Variants in SLITRK2 observed in about 807,000 individuals in gnomAD.
SLITRK2 encodes SLIT and NTRK like family member 2, also known as SLIT and NTRK-like protein 2.
In SLITRK2, 13 loss-of-function variants were observed where a neutral mutation model predicts 35.4. The observed-to-expected ratio is 0.37, with a 90% CI of 0.24 to 0.58. The LOEUF (loss-of-function observed/expected upper bound fraction) is 0.58, where lower values mean the gene tolerates loss of function less well. SLITRK2 is among the 20% of genes least tolerant of loss of function. The pLI is 0.75. For synonymous variants in SLITRK2, 294 were observed against 264.7 expected (o/e 1.11, Z -1.07); for missense variants, 471 against 634.3 (o/e 0.74, Z 2.76).
chrX:145,822,107 C>G lies in SLITRK2; in HGVS notation c.-90C>G. 1 of 258,192 alleles carries G rather than the reference C, an allele frequency of 3.9e-6. No homozygotes were observed. The highest frequency in any genetic ancestry group is 1.1e-3 in the Middle Eastern group (1 of 879). The allele number at this position is 258,192 out of a possible 1,213,427, so 21.3% of individuals were successfully genotyped here. A position where few individuals can be genotyped will look rare whatever the true frequency, so the allele number is the denominator to read the frequency against. The stretch of plus-strand genomic sequence containing the variant: ...ATGGGCAGGATTTAGTAGGACAACT[C>G]GGTTACTAATGACTTGGCGGCTGGC... On this transcript the variant is annotated 5_prime_UTR_variant, in exon 4 of 5. Transcript: ENST00000335565.
Position 145,822,666 on chromosome X carries a change from G to A in SLITRK2, c.241G>A (p.Glu81Lys). 1.7e-6 allele frequency: 2 copies of A among 1,211,601 alleles called. No homozygotes were observed. Among genetic ancestry groups the A allele is most frequent in the Non-Finnish European group, 1.1e-6 (1 of 895,493 alleles). Residue 81 changes from glutamate (E) to lysine (K), a missense_variant, in exon 5 of 5, where the codon GAA becomes AAA. By Grantham distance (56) the Glu-to-Lys change is moderately conservative. Around this residue, in one of 7 missense-constraint regions of SLITRK2, gnomAD observed 98 missense variants for 120.6 expected, o/e 0.81. Transcript: ENST00000335565. ...GNLLTRLYPNEFVNYSNAVTL... is the reference protein window; with the variant it reads ...GNLLTRLYPNKFVNYSNAVTL... ...CCTCTTGACAAGACTGTATCCAAAC[G>A]AATTTGTCAATTACTCCAACGCGGT...
chrX:145,821,187 A>G (rs1486228308), intron 2 of SLITRK2, 161 bp from the exon 3 acceptor site: 3 of 101,856 alleles, frequency 2.9e-5, no homozygotes, highest in African/African-American at 1.1e-4. Flanking sequence ...TGGGAGAAGA[A>G]CCCCCCACCC....
Position 145,822,941 on chromosome X carries a change from A to G in SLITRK2, c.516A>G (p.Ser172=). Residue 172 remains serine, a synonymous_variant, in exon 5 of 5, where the codon TCA becomes TCG. Transcript: ENST00000335565. ...TCCTGAATGACAACCTTCTGCTTTC[A>G]CTGCCCAGCAATGTGTTCCGCTTTG... ...VLILNDNLLL[S]LPSNVFRFVL... 1 of 1,211,436 alleles carries G rather than the reference A, an allele frequency of 8.3e-7. No individual in the cohort carries two copies. The highest frequency in any genetic ancestry group is 1.1e-6 in the Non-Finnish European group (1 of 895,455).
chrX:145,827,643 T>G lies in SLITRK2; in HGVS notation c.*2680T>G. ...TCCTCTTGCTTGTTACAGTTATACT[T>G]AATTTGCAGTAGATTTTTAAATGAA... On this transcript the variant is annotated 3_prime_UTR_variant, in exon 5 of 5. Coordinates refer to ENST00000335565, the MANE Select transcript of SLITRK2 (RefSeq NM_032539.5). 1 of 1,010,984 alleles carries G rather than the reference T, an allele frequency of 9.9e-7. No homozygotes were observed. The highest frequency in any genetic ancestry group is 1.3e-6 in the Non-Finnish European group (1 of 757,234). The allele number at this position is 1,010,984 out of a possible 1,213,427, so 83.3% of individuals were successfully genotyped here. A position where few individuals can be genotyped will look rare whatever the true frequency, so the allele number is the denominator to read the frequency against.
chrX:145,824,602 A>G lies in SLITRK2; in HGVS notation c.2177A>G (p.Lys726Arg), dbSNP rs1556945058. ...TTCAGCTATAGCAACCTGGAGGAGA[A>G]AAAAGAAGAGCCAGCCACACCTGCT... ...QEFSYSNLEE[K>R]KEEPATPAYT... The change falls in exon 5 of 5, where the codon AAA becomes AGA. Residue 726 changes from lysine to arginine, a missense_variant. Lys to Arg is a conservative substitution (Grantham distance 26). Transcript: ENST00000335565. 1 of 1,211,027 alleles carries G rather than the reference A, an allele frequency of 8.3e-7. No homozygotes were observed.
chrX:145,822,798 T>C lies in SLITRK2; in HGVS notation c.373T>C (p.Leu125=). Reference sequence around the variant, plus strand: ...TCTCAACAACAACAAGCTTGAGATATTGAGGGAGGACACCTTCCTAGGCCT... The same window carrying C: ...TCTCAACAACAACAAGCTTGAGATACTGAGGGAGGACACCTTCCTAGGCCT... ...LHLNNNKLEI[L]REDTFLGLES... Residue 125 remains leucine (L), a synonymous_variant, in exon 5 of 5, where the codon TTG becomes CTG. Transcript: ENST00000335565. 2.5e-6 allele frequency: 3 copies of C among 1,210,797 alleles called. No homozygotes were observed. In the Middle Eastern group the frequency reaches 6.9e-4, roughly 278 times the overall value.
rs782724493 is a variant in SLITRK2, at chrX:145,824,864, G to T, written c.2439G>T (p.Gly813=). 23 of 1,209,693 alleles carry T rather than the reference G, an allele frequency of 1.9e-5. No individual in the cohort carries two copies. The highest frequency in any genetic ancestry group is 1.1e-6 in the Non-Finnish European group (1 of 895,241). The change falls in exon 5 of 5, where the codon GGG becomes GGT. Residue 813 remains glycine (G), a synonymous_variant. Coordinates refer to ENST00000335565, the MANE Select transcript of SLITRK2 (RefSeq NM_032539.5). Reference sequence around the variant, plus strand: ...GAACTCCCAGGAAATGCTTTGTGGGGCAGTCAAAACCCAACCACCCTTTAC... The same window carrying T: ...GAACTCCCAGGAAATGCTTTGTGGGTCAGTCAAAACCCAACCACCCTTTAC... ...LYGTPRKCFV[G]QSKPNHPLLQ...
In SLITRK2 at chrX:145,821,651, AC is replaced by A. The variant is rs1556943356; in HGVS notation, c.-422del. 1 of 110,130 alleles carries A rather than the reference AC, an allele frequency of 9.1e-6. No homozygotes were observed. The highest frequency in any genetic ancestry group is 3.3e-5 in the African/African-American group (1 of 30,171). The allele number at this position is 110,130 out of a possible 1,213,427, so 9.1% of individuals were successfully genotyped here. A position where few individuals can be genotyped will look rare whatever the true frequency, so the allele number is the denominator to read the frequency against. ...CTCTCCGACCTCCCTACAGAATCGC[AC>A]CCCAGTCCCTCCCTGGCAGCTCGGC... On this transcript the variant is annotated 5_prime_UTR_variant, in exon 3 of 5. Transcript: ENST00000335565.
At chrX:145,820,229 C>G (rs375860450) in intron 1 of SLITRK2, 1 of 112,245 alleles carries the variant, frequency 8.9e-6, no homozygotes, top group Non-Finnish European at 1.9e-5. Flanking sequence ...CCCATCTCCC[C>G]CTTCCTACCA....
Position 145,827,486 on chromosome X carries a change from A to C in SLITRK2, c.*2523A>C. On this transcript the variant is annotated 3_prime_UTR_variant, in exon 5 of 5. Coordinates refer to ENST00000335565, the MANE Select transcript of SLITRK2 (RefSeq NM_032539.5). Reference sequence around the variant, plus strand: ...TGTAAAATGCCATTGTCCATAGAAAAAATATTAACTCATTAAGTTTAAAGA... The same window carrying C: ...TGTAAAATGCCATTGTCCATAGAAACAATATTAACTCATTAAGTTTAAAGA... 1 of 341,995 alleles carries C rather than the reference A, an allele frequency of 2.9e-6. No individual in the cohort carries two copies. Among genetic ancestry groups the C allele is most frequent in the Non-Finnish European group, 4.8e-6 (1 of 206,663 alleles). The allele number at this position is 341,995 out of a possible 1,213,427, so 28.2% of individuals were successfully genotyped here.
Position 145,827,536 on chromosome X carries a change from A to T in SLITRK2, c.*2573A>T. On this transcript the variant is annotated 3_prime_UTR_variant, in exon 5 of 5. Coordinates refer to ENST00000335565, the MANE Select transcript of SLITRK2 (RefSeq NM_032539.5). ...ACAGATGATACCTTAATATTAACTT[A>T]CTTACACGATTTTAAAGACGCCTAC... The T allele has an allele frequency of 2.0e-6, 1 of 507,191 alleles. No individual in the cohort carries two copies. The highest frequency in any genetic ancestry group is 3.0e-6 in the Non-Finnish European group (1 of 329,854). 41.8% of individuals were successfully genotyped at this position (507,191 alleles called of 1,213,427 possible). A position where few individuals can be genotyped will look rare whatever the true frequency, so the allele number is the denominator to read the frequency against.
At position 145,828,164 on chromosome X, in the gene SLITRK2, G is replaced by A. The variant is rs946217108; in HGVS notation, c.*3201G>A. On this transcript the variant is annotated 3_prime_UTR_variant, in exon 5 of 5. Coordinates refer to ENST00000335565, the MANE Select transcript of SLITRK2 (RefSeq NM_032539.5). ...AGAGCCTAATTTGGTTCTGGACTAT[G>A]GTCAACCTGTGTGCCTTGTTAGTTC... 1.0e-5 allele frequency: 5 copies of A among 479,388 alleles called. No individual in the cohort carries two copies. The highest frequency in any genetic ancestry group is 9.8e-5 in the African/African-American group (4 of 40,722). 39.5% of individuals were successfully genotyped at this position (479,388 alleles called of 1,213,427 possible). A position where few individuals can be genotyped will look rare whatever the true frequency, so the allele number is the denominator to read the frequency against.
chrX:145,818,937 T>C (rs1266542245), intron 1 of SLITRK2: 2 of 112,179 alleles, frequency 1.8e-5, no homozygotes, highest in East Asian at 5.6e-4. Flanking sequence ...TTAAAGTGGT[T>C]ATCGCGTTTC....
At position 145,824,000 on chromosome X, in the gene SLITRK2, T is replaced by A. The variant is rs2124189795; in HGVS notation, c.1575T>A (p.Asp525Glu). The A allele has an allele frequency of 8.3e-7, 1 of 1,209,680 alleles. No homozygotes were observed. Among genetic ancestry groups the A allele is most frequent in the Non-Finnish European group, 1.1e-6 (1 of 894,720 alleles). The change falls in exon 5 of 5, where the codon GAT becomes GAA. Residue 525 changes from aspartate to glutamate, a missense_variant. By Grantham distance (45) the Asp-to-Glu change is conservative. This residue lies in a region of SLITRK2 where 92 missense variants were observed against 184.2 expected (regional missense o/e 0.50). Transcript: ENST00000335565. ...LDQLPAFIQI[D>E]LQENPWDCTC... Reference sequence around the variant, plus strand: ...AGCTCCCGGCTTTCATCCAGATAGATCTGCAGGAGAACCCCTGGGACTGTA... The same window carrying A: ...AGCTCCCGGCTTTCATCCAGATAGAACTGCAGGAGAACCCCTGGGACTGTA...
rs143223975 is a variant in SLITRK2 at position 145,824,490 on chromosome X, C to A, written c.2065C>A (p.Pro689Thr). 1.7e-6 allele frequency: 2 copies of A among 1,211,265 alleles called. No homozygotes were observed. Among genetic ancestry groups the A allele is most frequent in the Admixed American group, 2.2e-5 (1 of 45,980 alleles). The change falls in exon 5 of 5, where the codon CCC (proline) becomes ACC (threonine). Residue 689 changes from proline to threonine, a missense_variant. Transcript: ENST00000335565. Reference sequence around the variant, plus strand: ...AGACGGCCATGTCTACAACTATATCCCCCCACCTGTGGGTCAGATGTGCCA... The same window carrying A: ...AGACGGCCATGTCTACAACTATATCACCCCACCTGTGGGTCAGATGTGCCA... ...KTDGHVYNYI[P>T]PPVGQMCQNP...
rs2124170075 is a variant in SLITRK2, at chrX:145,823,281, T to C, written c.856T>C (p.Ser286Pro). 1 of 1,211,593 alleles carries C rather than the reference T, an allele frequency of 8.3e-7. No homozygotes were observed. Among genetic ancestry groups the C allele is most frequent in the Non-Finnish European group, 1.1e-6 (1 of 895,489 alleles). The change falls in exon 5 of 5, where the codon TCA becomes CCA. Residue 286 changes from serine to proline, a missense_variant. Coordinates refer to ENST00000335565, the MANE Select transcript of SLITRK2 (RefSeq NM_032539.5). ...TGCTGACACCCACGTCCAAAGGCTG[T>C]CACCTACAATGAATCCTGCTCTCAA... ...SHADTHVQRL[S>P]PTMNPALNPT...
In SLITRK2 at chrX:145,826,749, C is replaced by A. The variant is rs1195632938; in HGVS notation, c.*1786C>A. On this transcript the variant is annotated 3_prime_UTR_variant, in exon 5 of 5. Transcript: ENST00000335565. ...TCCTTTTCATAAATAGGTTACTGCACATAATAATCCTTTATCGTCATGTGG... is the reference window on the plus strand; with the variant it reads ...TCCTTTTCATAAATAGGTTACTGCAAATAATAATCCTTTATCGTCATGTGG... The A allele has an allele frequency of 8.9e-6, 1 of 112,027 alleles. No homozygotes were observed. The highest frequency in any genetic ancestry group is 3.2e-5 in the African/African-American group (1 of 30,862). 9.2% of individuals were successfully genotyped at this position (112,027 alleles called of 1,213,427 possible). A position where few individuals can be genotyped will look rare whatever the true frequency, so the allele number is the denominator to read the frequency against.
Position 145,822,516 on chromosome X carries a change from A to G in SLITRK2, c.91A>G (p.Ile31Val), listed in dbSNP as rs372973263. Residue 31 changes from isoleucine (I) to valine (V), a missense_variant, in exon 5 of 5, where the codon ATC becomes GTC. Ile to Val is a conservative substitution (Grantham distance 29). Around this residue, in one of 7 missense-constraint regions of SLITRK2, gnomAD observed 98 missense variants for 120.6 expected, o/e 0.81. Coordinates refer to ENST00000335565, the MANE Select transcript of SLITRK2 (RefSeq NM_032539.5). ...CAAAACTGCCAAAGACATTTGCAAG[A>G]TCCGCTGTCTGTGCGAAGAAAAGGA... Reference protein sequence around the residue: ...SRKTAKDICKIRCLCEEKENV... With the variant: ...SRKTAKDICKVRCLCEEKENV... 15 of 1,209,693 alleles carry G rather than the reference A, an allele frequency of 1.2e-5. No individual in the cohort carries two copies. The highest frequency in any genetic ancestry group is 2.3e-4 in the Middle Eastern group (1 of 4,375).
rs1421439647 is a variant in SLITRK2 at position 145,824,414 on chromosome X, C to G, written c.1989C>G (p.Ser663Arg). ...VPRNTNNLDVSSFQLQYGSYN... is the reference protein window; with the variant it reads ...VPRNTNNLDVRSFQLQYGSYN... ...GGAATACCAACAACTTAGACGTAAG[C>G]TCCTTTCAATTACAGTATGGGTCTT... is the stretch of plus-strand genomic sequence containing the variant. Residue 663 changes from serine (S) to arginine (R), a missense_variant, in exon 5 of 5, where the codon AGC (serine) becomes AGG (arginine). Coordinates refer to ENST00000335565, the MANE Select transcript of SLITRK2 (RefSeq NM_032539.5). 8.3e-7 allele frequency: 1 copy of G among 1,210,732 alleles called. No individual in the cohort carries two copies. The highest frequency in any genetic ancestry group is 1.1e-6 in the Non-Finnish European group (1 of 894,820).
Sources: gnomAD v4.1 joint callset for allele counts on GRCh38, gnomAD v4.1.1 for gene constraint, gnomAD v4.1.1 regional missense constraint, MANE v1.5 for transcripts, NCBI Gene and HGNC (gene_info 2026-07-23, HGNC 2026-07-21) for gene names.